PI4KA: variants seen among roughly 807,000 people sequenced by gnomAD.
The protein encoded by PI4KA is PI4-kinase alpha.
In PI4KA, 122 loss-of-function variants were observed where a neutral mutation model predicts 271.4. The observed-to-expected ratio is 0.45, with a 90% confidence interval of 0.39 to 0.52. The LOEUF (loss-of-function observed/expected upper bound fraction) is 0.52. PI4KA is among the 20% of genes least tolerant of loss of function. The probability of loss-of-function intolerance (pLI) is 0.00; values close to 1 mark genes in which losing one functional copy is unlikely to be tolerated. For missense variants in PI4KA, 1,969 were observed against 2,769.1 expected, an observed-to-expected ratio of 0.71 and a Z score of 6.48; for synonymous variants, 1,041 against 1,078.8, an observed-to-expected ratio of 0.96 and a Z score of 0.69.
At chr22:20,735,137 G>A (rs376431761) in intron 32 of PI4KA, among the ~76,000 whole-genome samples, 3 of 151,486 alleles carry the variant, frequency 2.0e-5, no homozygotes, top group Admixed American at 6.6e-5. Context: ...TCCCCATTCC[G>A]TGGGGGGGCA....
At chr22:20,836,982 G>A (rs1371740008) in intron 2 of PI4KA, among the ~76,000 whole-genome samples, 2 of 151,930 alleles carry the variant, frequency 1.3e-5, no homozygotes, top group Non-Finnish European at 2.9e-5. Flanking sequence ...AACAACAATA[G>A]TTTCTTATAA....
At chr22:20,858,389 T>G (rs536231591) in intron 1 of PI4KA, among the ~76,000 whole-genome samples, 181 bp downstream of exon 1, 16 of 146,090 alleles carry the variant, frequency 1.1e-4, no homozygotes, top group Admixed American at 2.7e-4. Context: ...TCCCTCTCTC[T>G]TCACCAGCCC....
chr22:20,723,979 C>CG (rs1927049840), intron 42 of PI4KA, among the ~76,000 whole-genome samples: 1 of 151,784 alleles, frequency 6.6e-6, no homozygotes. Flanking sequence ...GCTGGGACTA[C>CG]GGGCTCCCGC....
chr22:20,794,587 T>A (rs1019391336), intron 18 of PI4KA, among the ~76,000 whole-genome samples: 7 of 152,126 alleles, frequency 4.6e-5, no homozygotes, highest in Non-Finnish European at 2.9e-5. Context: ...GGCCACTCTC[T>A]CTTGGCTGAG....
chr22:20,820,866 C>T (rs996522677), intron 4 of PI4KA, among the ~76,000 whole-genome samples: 9 of 152,208 alleles, frequency 5.9e-5, no homozygotes, highest in African/African-American at 2.2e-4. Context: ...ACCTACCAGC[C>T]CTTGGGGCTG....
At chr22:20,813,995 C>T (rs982004015) in intron 7 of PI4KA, among the ~76,000 whole-genome samples, 1 of 152,126 alleles carries the variant, frequency 6.6e-6, no homozygotes, top group Non-Finnish European at 1.5e-5. Context: ...GATGGCGTTT[C>T]GCCATGTTGG....
chr22:20,836,682 G>A (rs1442922467), intron 2 of PI4KA, among the ~76,000 whole-genome samples: 1 of 152,154 alleles, frequency 6.6e-6, no homozygotes, highest in Non-Finnish European at 1.5e-5. Context: ...AAACCAAGGT[G>A]GTCCCTAGGG....
At chr22:20,803,162 G>A (rs768027991) in intron 13 of PI4KA, 29 bp downstream of exon 13, 30 of 1,612,264 alleles carry the variant, frequency 1.9e-5, no homozygotes, top group African/African-American at 2.7e-5. Context: ...CCTTTCTCAG[G>A]GCCTGAAGGG....
intron 28 of PI4KA, among the ~76,000 whole-genome samples, chr22:20,749,576 T>TA (rs746117669): frequency 4.6e-5 from 7 of 152,250 alleles, no homozygotes; most frequent in African/African-American, 7.2e-5. Flanking sequence ...ACTTGGCACT[T>TA]AGAGATGCTG....
intron 19 of PI4KA, chr22:20,784,138 C>A: frequency 6.2e-7 from 1 of 1,614,146 alleles, no homozygotes. Flanking sequence ...ACGTGGGGGG[C>A]ATCAGCATGC....
At chr22:20,805,269 A>G in intron 10 of PI4KA, 104 bp from the exon 11 acceptor site, 1 of 801,450 alleles carries the variant, frequency 1.2e-6, no homozygotes, top group Non-Finnish European at 2.0e-6. Context: ...AAACCCCAGA[A>G]AAGTAGCATT....
At chr22:20,832,737 G>T (rs919789225) in intron 3 of PI4KA, among the ~76,000 whole-genome samples, 2 of 152,210 alleles carry the variant, frequency 1.3e-5, no homozygotes, top group African/African-American at 4.8e-5. Context: ...TTACAGGTGT[G>T]AGCCACTGTG....
At position 20,829,826 on chromosome 22, in the gene PI4KA, T is replaced by C. The variant is rs75574719; in HGVS notation, c.367+4736A>G. The stretch of plus-strand genomic sequence containing the variant: ...CCCTCTTAATTCTGCCTTAGCTGTG[T>C]CCCAGAGATTCTGGTATGTTGTATC... On this transcript the variant is annotated intron_variant, in intron 3 of 54. Coordinates refer to ENST00000255882, the MANE Select transcript of PI4KA (RefSeq NM_058004.4). 1.2e-4 allele frequency among the ~76,000 whole-genome samples: 19 copies of C among 152,328 alleles called. No individual in the cohort carries two copies. In the East Asian group the frequency reaches 3.5e-3, roughly 28 times the overall value.
chr22:20,838,651 A>T lies in PI4KA; in HGVS notation c.237T>A (p.Ile79=). ...QLDERRRDAV[I]ALGIFLIESD... Reference sequence around the variant, plus strand: ...ATTCAATCAGAAAAATGCCCAATGCAATCACTGCATCTCTCCGTCTTTCAT... The same window carrying T: ...ATTCAATCAGAAAAATGCCCAATGCTATCACTGCATCTCTCCGTCTTTCAT... Residue 79 remains isoleucine (I), a synonymous_variant, in exon 2 of 55, where the codon ATT becomes ATA. Coordinates refer to ENST00000255882, the MANE Select transcript of PI4KA (RefSeq NM_058004.4). 6.2e-7 allele frequency: 1 copy of T among 1,611,346 alleles called. No homozygotes were observed. Among genetic ancestry groups the T allele is most frequent in the African/African-American group, 1.3e-5 (1 of 75,006 alleles).
intron 23 of PI4KA, among the ~76,000 whole-genome samples, chr22:20,758,042 G>A (rs894422547): frequency 6.6e-6 from 1 of 152,042 alleles, no homozygotes; most frequent in Non-Finnish European, 1.5e-5. Context: ...CTTTCAATGT[G>A]GCCCAACACA....
At chr22:20,773,305 G>C (rs1932982480) in intron 19 of PI4KA, among the ~76,000 whole-genome samples, 1 of 151,802 alleles carries the variant, frequency 6.6e-6, no homozygotes. Context: ...GAGAACGCTT[G>C]AACTTGGGAG....
Position 20,729,490 on chromosome 22 carries a change from C to A in PI4KA, c.4505G>T (p.Arg1502Leu), listed in dbSNP as rs751448433. Residue 1502 changes from arginine to leucine, a missense_variant, in exon 39 of 55, where the codon CGT (arginine) becomes CTT (leucine). Around this residue, in one of 13 missense-constraint regions of PI4KA, gnomAD observed 388 missense variants for 521.5 expected, o/e 0.74. Coordinates refer to ENST00000255882, the MANE Select transcript of PI4KA (RefSeq NM_058004.4). ...CAGCGGGTTGTACCATGTGATGAGA[C>A]GCTCGATCTCAGTGGCCTGGCAAGA... ...LLSLLATEIE[R>L]LITWYNPLSA... The A allele has an allele frequency of 5.6e-6, 9 of 1,599,616 alleles. No homozygotes were observed. In the African/African-American group the frequency reaches 1.1e-4, roughly 19 times the overall value.
chr22:20,799,768 T>C lies in PI4KA; in HGVS notation c.1725-2A>G, dbSNP rs1159627143. On this transcript the variant is annotated splice_acceptor_variant, in intron 14 of 54. Coordinates refer to ENST00000255882, the MANE Select transcript of PI4KA (RefSeq NM_058004.4). LOFTEE classifies it high-confidence loss of function. ...ACCGTCAATCCAGCCTTCAGGCACC[T>C]GAGGAGCAAGAAAACCCATGTGGCA... 1.3e-6 allele frequency: 2 copies of C among 1,546,786 alleles called. No individual in the cohort carries two copies. Among genetic ancestry groups the C allele is most frequent in the East Asian group, 2.4e-5 (1 of 40,922 alleles).
intron 19 of PI4KA, chr22:20,787,244 T>G (rs1934322510): frequency 1.5e-6 from 1 of 654,712 alleles, no homozygotes; most frequent in African/African-American, 1.8e-5. Context: ...TGGAATCAAT[T>G]CTGCACAATA....
Sources: allele counts gnomAD v4.1 joint callset (sites outside exome capture counted in the v4.1 genomes callset), GRCh38; gene constraint gnomAD v4.1.1; regional missense constraint gnomAD v4.1.1; transcripts MANE v1.5; gene names NCBI Gene and HGNC (gene_info 2026-07-23, HGNC 2026-07-21).